Variants in PCDH15 observed in about 807,000 individuals in gnomAD.
The protein encoded by PCDH15 is protocadherin-15.
Under a neutral mutation model 178.5 loss-of-function variants are expected in PCDH15, and 129 were observed. That is an observed-to-expected ratio of 0.72 (90% CI 0.63 to 0.84). The LOEUF is 0.84. PCDH15 is among the 40% of genes least tolerant of loss of function. The pLI is 0.00. For missense variants in PCDH15, 2,230 were observed against 2,099.9 expected (o/e 1.06, Z -1.21); for synonymous variants, 800 against 732.0 (o/e 1.09, Z -1.50).
In PCDH15 at chr10:55,612,434, C is replaced by T. The variant is rs78035599; in HGVS notation, c.-156+15191G>A. 4.7e-3 allele frequency among the ~76,000 whole-genome samples: 713 copies of T among 151,940 alleles called. 6 individuals carry two copies. The highest frequency in any genetic ancestry group is 0.016 in the African/African-American group (674 of 41,450). On this transcript the variant is annotated intron_variant, in intron 2 of 5. Transcript: ENST00000613346. ...TGAATATGGCACGTCCAAAAGAATACGTCATAAGAAGACAGGAAAGGGGGG... is the reference window on the plus strand; with the variant it reads ...TGAATATGGCACGTCCAAAAGAATATGTCATAAGAAGACAGGAAAGGGGGG...
chr10:54,329,809 T>C, intron 6 of PCDH15, 103 bp from the exon 7 acceptor site: 2 of 789,134 alleles, frequency 2.5e-6, no homozygotes, highest in South Asian at 1.4e-5. Flanking sequence ...ATGACATGCT[T>C]ATCATCTGAA....
At chr10:53,930,411 C>G (rs2084945324) in intron 25 of PCDH15, among the ~76,000 whole-genome samples, 1 of 124,928 alleles carries the variant, frequency 8.0e-6, no homozygotes, top group African/African-American at 3.1e-5. Flanking sequence ...CGAGCTGAGA[C>G]CGTGCCACTG....
At chr10:53,968,544 G>C (rs936935803) in intron 21 of PCDH15, among the ~76,000 whole-genome samples, 55 of 152,200 alleles carry the variant, frequency 3.6e-4, no homozygotes, top group Non-Finnish European at 1.2e-4. Context: ...AGAACGGACA[G>C]ACTGCCTCCT....
intron 3 of PCDH15, chr10:54,452,517 A>G (rs2076542871): frequency 6.6e-6 from 1 of 152,086 alleles, no homozygotes; most frequent in African/African-American, 2.4e-5. Context: ...AGCAAGTGCC[A>G]GCTATTTTTG....
intron 8 of PCDH15, among the ~76,000 whole-genome samples, chr10:54,315,246 G>T (rs779115090): frequency 6.6e-6 from 1 of 152,104 alleles, no homozygotes; most frequent in Non-Finnish European, 1.5e-5. Flanking sequence ...ACTGTGCAAT[G>T]GTTTCTCATT....
At chr10:54,943,149 G>C (rs1229467189) in intron 2 of PCDH15, among the ~76,000 whole-genome samples, 8 of 151,786 alleles carry the variant, frequency 5.3e-5, no homozygotes, top group Non-Finnish European at 8.8e-5. Flanking sequence ...TGATCTCCTT[G>C]GGCTCAAGTT....
chr10:54,657,589 C>T (rs1430688403), intron 2 of PCDH15, among the ~76,000 whole-genome samples: 2 of 152,126 alleles, frequency 1.3e-5, no homozygotes, highest in Non-Finnish European at 2.9e-5. Flanking sequence ...AGAAAACCAC[C>T]ATACAAAGAT....
chr10:54,991,817 G>A (rs7081519), intron 2 of PCDH15, among the ~76,000 whole-genome samples: 51,322 of 151,828 alleles, frequency 0.34, 10,012 homozygotes, highest in African/African-American at 0.53. Flanking sequence ...ATAATATTAT[G>A]CCTTATTGAA....
chr10:53,908,336 G>A (rs2082824005), intron 25 of PCDH15, among the ~76,000 whole-genome samples: 1 of 152,144 alleles, frequency 6.6e-6, no homozygotes, highest in East Asian at 1.9e-4. Context: ...AGAGAAAGAG[G>A]AATTAGATGA....
intron 15 of PCDH15, among the ~76,000 whole-genome samples, chr10:54,121,960 T>C (rs7084671): frequency 0.95 from 143,691 of 151,266 alleles, 68,380 homozygotes; most frequent in East Asian, 1. Context: ...ACTGATTCTA[T>C]GAAGCCAGCA....
At chr10:54,734,560 C>T (rs1045365312) in intron 1 of PCDH15, among the ~76,000 whole-genome samples, 1 of 151,848 alleles carries the variant, frequency 6.6e-6, no homozygotes, top group African/African-American at 2.4e-5. Context: ...AGGTATTTAC[C>T]CAAAACAGAT....
intron 5 of PCDH15, among the ~76,000 whole-genome samples, chr10:54,347,251 C>T (rs969517670): frequency 2.6e-5 from 4 of 152,006 alleles, no homozygotes; most frequent in African/African-American, 9.7e-5. Flanking sequence ...TTTCCCCTCC[C>T]AGTTTTTAGG....
At chr10:54,081,990 G>A (rs2094443260) in intron 16 of PCDH15, among the ~76,000 whole-genome samples, 1 of 152,142 alleles carries the variant, frequency 6.6e-6, no homozygotes, top group Non-Finnish European at 1.5e-5. Context: ...TTTAAAAAAA[G>A]GTAAATCAAA....
At chr10:55,350,994 CCT>C (rs143646420) in intron 2 of PCDH15, among the ~76,000 whole-genome samples, 131 of 114,356 alleles carry the variant, frequency 1.1e-3, no homozygotes, top group African/African-American at 4.1e-3. Flanking sequence ...TCCTCCTCCC[CCT>C]GTCTCCTCCC....
At chr10:55,309,957 AT>A (rs1251303075) in intron 1 of PCDH15, among the ~76,000 whole-genome samples, 1 of 151,742 alleles carries the variant, frequency 6.6e-6, no homozygotes. Flanking sequence ...TTCTACTTCC[AT>A]TTTTTTCCCT....
intron 23 of PCDH15, among the ~76,000 whole-genome samples, chr10:53,941,319 T>C (rs546790135): frequency 6.6e-5 from 10 of 152,278 alleles, no homozygotes; most frequent in Admixed American, 1.3e-4. Context: ...CTGTGCCCTG[T>C]ATATTCATCC....
intron 1 of PCDH15, among the ~76,000 whole-genome samples, chr10:55,247,298 C>T (rs1694212716): frequency 6.6e-6 from 1 of 152,052 alleles, no homozygotes; most frequent in African/African-American, 2.4e-5. Context: ...TGTAGAAATC[C>T]TACGTACATA....
chr10:54,660,470 TA>T (rs905465994), intron 2 of PCDH15, among the ~76,000 whole-genome samples: 1 of 151,884 alleles, frequency 6.6e-6, no homozygotes, highest in Non-Finnish European at 1.5e-5. Context: ...GAATTAGTAA[TA>T]AAAAATCCAT....
intron 15 of PCDH15, among the ~76,000 whole-genome samples, chr10:54,104,823 T>G (rs2094879754): frequency 8.7e-6 from 1 of 115,028 alleles, no homozygotes; most frequent in Admixed American, 1.3e-4. Context: ...GCTGAGAGAG[T>G]GAGACTCTGC....
Sources: allele counts gnomAD v4.1 joint callset (sites outside exome capture counted in the v4.1 genomes callset), GRCh38; gene constraint gnomAD v4.1.1; transcripts MANE v1.5; gene names NCBI Gene and HGNC (gene_info 2026-07-23, HGNC 2026-07-21).